Variants in TGFBRAP1 observed in about 807,000 individuals in gnomAD.
The protein encoded by TGFBRAP1 is transforming growth factor beta receptor associated protein 1.
A neutral mutation model predicts 83.2 loss-of-function variants in TGFBRAP1; 20 were observed. The observed-to-expected ratio is 0.24, with a 90% CI of 0.17 to 0.35. TGFBRAP1 has a LOEUF of 0.35. Ranked by LOEUF, TGFBRAP1 falls within the 10% of genes least tolerant of loss-of-function variation. TGFBRAP1 has a pLI of 1.00. For synonymous variants in TGFBRAP1, 415 were observed against 459.8 expected (o/e 0.90, Z 1.25); for missense variants, 950 against 1,099.4 (o/e 0.86, Z 1.92).
chr2:105,320,395 A>T (rs976131127), intron 1 of TGFBRAP1, among the ~76,000 whole-genome samples: 4 of 152,156 alleles, frequency 2.6e-5, no homozygotes, highest in Non-Finnish European at 5.9e-5. Context: ...TTACAGCAAG[A>T]AGTTTTTTTT....
intron 1 of TGFBRAP1, chr2:105,327,375 G>A (rs113132358): frequency 0.048 from 7,322 of 152,208 alleles, 210 homozygotes; most frequent in Middle Eastern, 0.075. Context: ...AACAGCCTGG[G>A]CAACACAGGG....
intron 11 of TGFBRAP1, 32 bp from the exon 12 acceptor site, chr2:105,267,591 T>C (rs371945594): frequency 6.2e-7 from 1 of 1,613,286 alleles, no homozygotes; most frequent in Non-Finnish European, 8.5e-7. Context: ...GAGAATGCTG[T>C]CATGTGTTAA....
intron 1 of TGFBRAP1, 109 bp downstream of exon 1, chr2:105,329,516 C>G (rs1679309368): frequency 6.9e-6 from 1 of 145,664 alleles, no homozygotes; most frequent in Non-Finnish European, 1.5e-5. Context: ...CGGGCTCGCC[C>G]TCCACCCCGC....
At chr2:105,290,054 A>T (rs1424104665) in intron 4 of TGFBRAP1, among the ~76,000 whole-genome samples, 1 of 152,188 alleles carries the variant, frequency 6.6e-6, no homozygotes, top group Non-Finnish European at 1.5e-5. Flanking sequence ...TTTATTAGAT[A>T]GGCAATTCTT....
downstream of TGFBRAP1, among the ~76,000 whole-genome samples, chr2:105,262,695 T>C (rs72834055): frequency 0.026 from 4,025 of 152,312 alleles, 200 homozygotes; most frequent in African/African-American, 0.091. Flanking sequence ...CTCGTCCTGT[T>C]GAGTTGCGTG....
chr2:105,262,292 G>A (rs919523285), downstream of TGFBRAP1, among the ~76,000 whole-genome samples: 11 of 152,152 alleles, frequency 7.2e-5, no homozygotes, highest in African/African-American at 1.9e-4. Context: ...TTACCTCCCC[G>A]TGGTAAAGAG....
At chr2:105,249,464 T>C in the TGFBRAP1 span, 1 of 152,202 alleles carries the variant, frequency 6.6e-6, no homozygotes, top group Non-Finnish European at 1.5e-5. Flanking sequence ...CAGCCAAAGA[T>C]GGTTGCCTCT....
Position 105,307,666 on chromosome 2 carries a change from G to T in TGFBRAP1, c.636C>A (p.Ile212=). 1 of 1,614,066 alleles carries T rather than the reference G, an allele frequency of 6.2e-7. No individual in the cohort carries two copies. Among genetic ancestry groups the T allele is most frequent in the Non-Finnish European group, 8.5e-7 (1 of 1,180,032 alleles). ...FPYCSEERPP[I]VKRIGRQEFL... ...ACTCCTGTCTCCCTATCCTCTTGAC[G>T]ATCGGCGGCCTCTCCTCACTGCAGT... The change falls in exon 2 of 12, where the codon ATC becomes ATA. Residue 212 remains isoleucine, a synonymous_variant. Transcript: ENST00000393359.
chr2:105,259,224 GA>G, the TGFBRAP1 span, among the ~76,000 whole-genome samples: 1 of 152,220 alleles, frequency 6.6e-6, no homozygotes, highest in Non-Finnish European at 1.5e-5. Context: ...AGCAGTGGGA[GA>G]AGGAGCCTGA....
At chr2:105,325,631 C>A (rs1679205141) in intron 1 of TGFBRAP1, among the ~76,000 whole-genome samples, 1 of 152,150 alleles carries the variant, frequency 6.6e-6, no homozygotes, top group South Asian at 2.1e-4. Flanking sequence ...TGCTTCCCCA[C>A]CGTGAGTCTA....
chr2:105,329,559 C>T lies in TGFBRAP1; in HGVS notation c.-18+66G>A, dbSNP rs376447095. On this transcript the variant is annotated intron_variant, in intron 1 of 11. Coordinates refer to ENST00000393359, the MANE Select transcript of TGFBRAP1 (RefSeq NM_004257.6). Reference sequence around the variant, plus strand: ...CCTACCCCCCACTCCTGCTCCCCGCCCTCCTGCCCCACGCGCCCCGCGCCC... The same window carrying T: ...CCTACCCCCCACTCCTGCTCCCCGCTCTCCTGCCCCACGCGCCCCGCGCCC... 167 of 148,554 alleles carry T rather than the reference C, an allele frequency of 1.1e-3. 2 individuals carry two copies. The East Asian group carries it at 0.029, about 26-fold the overall frequency. The allele number at this position is 148,554 out of a possible 1,614,324, so 9.2% of individuals were successfully genotyped here. A position where few individuals can be genotyped will look rare whatever the true frequency, so the allele number is the denominator to read the frequency against.
intron 1 of TGFBRAP1, among the ~76,000 whole-genome samples, chr2:105,323,374 C>T (rs1465345431): frequency 6.6e-6 from 1 of 152,128 alleles, no homozygotes. Flanking sequence ...TCTCTGCGAC[C>T]CCTTGGGACT....
In TGFBRAP1 at chr2:105,289,149, C is replaced by T. The variant is rs569923872; in HGVS notation, c.1039-4751G>A. Among the ~76,000 whole-genome samples, 6 of 151,590 alleles carry T rather than the reference C, an allele frequency of 4.0e-5. No homozygotes were observed. The South Asian group carries it at 1.3e-3, about 32-fold the overall frequency. On this transcript the variant is annotated intron_variant, in intron 4 of 11. Transcript: ENST00000393359. ...ACATGGGAATGGGGAAGGGACGCAG[C>T]GAGGTGGTGGCAAGAAAAGAGGGAG...
intron 1 of TGFBRAP1, among the ~76,000 whole-genome samples, chr2:105,323,610 G>C (rs1343296418): frequency 6.6e-6 from 1 of 152,064 alleles, no homozygotes; most frequent in Non-Finnish European, 1.5e-5. Context: ...TTCTATATTG[G>C]GTGAGAAAAG....
At chr2:105,328,017 C>T (rs1364413527) in intron 1 of TGFBRAP1, among the ~76,000 whole-genome samples, 1 of 152,224 alleles carries the variant, frequency 6.6e-6, no homozygotes, top group Non-Finnish European at 1.5e-5. Flanking sequence ...AGACCTGGCT[C>T]TACATCCTCA....
chr2:105,317,222 A>C (rs980335318), intron 1 of TGFBRAP1, among the ~76,000 whole-genome samples: 2 of 152,208 alleles, frequency 1.3e-5, no homozygotes, highest in African/African-American at 2.4e-5. Context: ...GAGGATCACG[A>C]GGTCAAAAGA....
chr2:105,326,182 TTATA>T lies in TGFBRAP1; in HGVS notation c.-18+3439_-18+3442del, dbSNP rs1679221805. Among the ~76,000 whole-genome samples the T allele has an allele frequency of 2.6e-5, 4 of 152,260 alleles. No homozygotes were observed. In the South Asian group the frequency reaches 8.3e-4, roughly 32 times the overall value. ...TATTTAAATACATATAAACATATAT[TTATA>T]TACACACACATATATACACATACTA... On this transcript the variant is annotated intron_variant, in intron 1 of 11. Transcript: ENST00000393359.
chr2:105,281,486 T>C (rs1677535941), intron 5 of TGFBRAP1, among the ~76,000 whole-genome samples: 1 of 152,180 alleles, frequency 6.6e-6, no homozygotes, highest in Non-Finnish European at 1.5e-5. Flanking sequence ...CTGCCTGCGA[T>C]GTTCAGAGCA....
chr2:105,280,763 GAA>G (rs1677510520), intron 5 of TGFBRAP1, 40 bp from the exon 6 acceptor site: 1 of 1,571,376 alleles, frequency 6.4e-7, no homozygotes, highest in South Asian at 1.2e-5. Context: ...CAAAAAGAGA[GAA>G]GAGTACACAT....
Sources: gnomAD v4.1 joint callset for allele counts (sites outside exome capture counted in the v4.1 genomes callset) on GRCh38, gnomAD v4.1.1 for gene constraint, MANE v1.5 for transcripts, NCBI Gene and HGNC (gene_info 2026-07-23, HGNC 2026-07-21) for gene names.